The following MSI2 variants were observed in gnomAD, a reference collection of about 807,000 sequenced individuals.
MSI2 encodes RNA-binding protein Musashi homolog 2.
In MSI2, 17 loss-of-function variants were observed where a neutral mutation model predicts 45.6. That is an observed-to-expected ratio of 0.37 (90% CI 0.26 to 0.56). The LOEUF is 0.56. Ranked by LOEUF, MSI2 falls within the 20% of genes least tolerant of loss-of-function variation. MSI2 has a pLI of 0.77. For synonymous variants in MSI2, 156 were observed against 158.2 expected, an observed-to-expected ratio of 0.99 and a Z score of 0.11; for missense variants, 293 against 444.2, an observed-to-expected ratio of 0.66 and a Z score of 3.06.
chr17:57,345,457 G>T (rs1253182482), intron 5 of MSI2, among the ~76,000 whole-genome samples: 1 of 152,122 alleles, frequency 6.6e-6, no homozygotes, highest in African/African-American at 2.4e-5. Context: ...ACAGATATAT[G>T]TATATTTTCT....
chr17:57,670,440 T>C (rs552165663), intron 11 of MSI2, among the ~76,000 whole-genome samples: 1 of 152,328 alleles, frequency 6.6e-6, no homozygotes, highest in South Asian at 2.1e-4. Flanking sequence ...CCCTTACAGG[T>C]GAGAGTCTAA....
intron 5 of MSI2, among the ~76,000 whole-genome samples, chr17:57,312,593 A>G (rs745950510): frequency 2.6e-5 from 4 of 152,198 alleles, no homozygotes; most frequent in Non-Finnish European, 5.9e-5. Flanking sequence ...TGACCCTTTC[A>G]TATTTCAGGT....
rs894617 is a variant in MSI2, at chr17:57,416,606, T to C, written c.405+15135T>C. On this transcript the variant is annotated intron_variant, in intron 6 of 13. Coordinates refer to ENST00000284073, the MANE Select transcript of MSI2 (RefSeq NM_138962.4). ...GGGTGTGTCCGCCCATATTTTACAA[T>C]GCACCACTCCCTCAAAGAGCGTCTC... is the stretch of plus-strand genomic sequence containing the variant. Among the ~76,000 whole-genome samples the C allele has an allele frequency of 8.3e-3, 1,272 of 152,342 alleles. 16 individuals are homozygous for C. The highest frequency in any genetic ancestry group is 0.025 in the African/African-American group (1,047 of 41,578).
chr17:57,439,271 G>A (rs2143449669), intron 6 of MSI2, among the ~76,000 whole-genome samples: 1 of 152,332 alleles, frequency 6.6e-6, no homozygotes, highest in East Asian at 1.9e-4. Flanking sequence ...GGATTTTACA[G>A]GTTGGAGGCT....
the MSI2 span, among the ~76,000 whole-genome samples, chr17:57,691,804 T>C: frequency 1.3e-5 from 2 of 152,210 alleles, no homozygotes; most frequent in African/African-American, 4.8e-5. Context: ...CTGTCTTTTG[T>C]TAAGCTGTAG....
intron 9 of MSI2, among the ~76,000 whole-genome samples, chr17:57,618,691 G>A (rs1407044259): frequency 3.9e-5 from 6 of 151,992 alleles, no homozygotes; most frequent in Non-Finnish European, 7.4e-5. Context: ...TTACAGGCGC[G>A]CGCCACCACA....
Position 57,257,079 on chromosome 17 carries a change from TTA to T in MSI2, c.63-17_63-16del, listed in dbSNP as rs1491347874. On this transcript the variant is annotated splice_polypyrimidine_tract_variant and intron_variant, in intron 1 of 13. Transcript: ENST00000284073. ...GATCTGACATCGGTGCTCACTTCTG[TTA>T]TGTTTTCTCCCTCTAGTAAAATGTT... The T allele has an allele frequency of 1.3e-6, 2 of 1,553,416 alleles. No homozygotes were observed. Among genetic ancestry groups the T allele is most frequent in the Non-Finnish European group, 1.7e-6 (2 of 1,144,606 alleles).
chr17:57,479,464 T>C (rs2085606523), intron 6 of MSI2, among the ~76,000 whole-genome samples: 1 of 152,210 alleles, frequency 6.6e-6, no homozygotes, highest in Admixed American at 6.5e-5. Context: ...TGGGTTGTTT[T>C]CCCAACCCTG....
chr17:57,359,930 G>A (rs1916707336), intron 5 of MSI2, among the ~76,000 whole-genome samples: 1 of 152,170 alleles, frequency 6.6e-6, no homozygotes, highest in Non-Finnish European at 1.5e-5. Context: ...GGGTATTCTG[G>A]GAAACTCTTC....
rs192835285 is a variant in MSI2, at chr17:57,361,035, A to T, written c.313-40344A>T. On this transcript the variant is annotated intron_variant, in intron 5 of 13. Coordinates refer to ENST00000284073, the MANE Select transcript of MSI2 (RefSeq NM_138962.4). ...TATGGGGAGGTCAGGAGTATCTCCC[A>T]TCTGCTTCCTTTCTGAAGGGATCCT... 7.2e-5 allele frequency among the ~76,000 whole-genome samples: 11 copies of T among 152,300 alleles called. No individual in the cohort carries two copies. The South Asian group carries it at 8.3e-4, about 11-fold the overall frequency.
At chr17:57,574,454 G>A (rs1442138369) in intron 7 of MSI2, among the ~76,000 whole-genome samples, 2 of 152,234 alleles carry the variant, frequency 1.3e-5, no homozygotes, top group Non-Finnish European at 2.9e-5. Flanking sequence ...TGCATGGGCG[G>A]GGCAGGGCGG....
chr17:57,605,254 G>A (rs181478827), intron 8 of MSI2, among the ~76,000 whole-genome samples: 1 of 152,334 alleles, frequency 6.6e-6, no homozygotes, highest in African/African-American at 2.4e-5. Context: ...TGTACAGGCT[G>A]TGTTAATGAG....
chr17:57,406,908 A>C (rs887743180), intron 6 of MSI2: 3 of 152,144 alleles, frequency 2.0e-5, no homozygotes, highest in Non-Finnish European at 4.4e-5. Flanking sequence ...GTGGTTTGAC[A>C]TGAGGGCTTT....
intron 6 of MSI2, among the ~76,000 whole-genome samples, chr17:57,524,497 G>T (rs1420338088): frequency 6.6e-6 from 1 of 152,212 alleles, no homozygotes; most frequent in Admixed American, 6.5e-5. Context: ...TTCAAGATTG[G>T]ATTGGCTGCA....
chr17:57,513,012 C>T (rs1032096885), intron 6 of MSI2, among the ~76,000 whole-genome samples: 1 of 127,670 alleles, frequency 7.8e-6, no homozygotes. Context: ...CTCACTCTGT[C>T]TCCCAGGCTG....
At chr17:57,354,170 A>G (rs1266343033) in intron 5 of MSI2, among the ~76,000 whole-genome samples, 3 of 152,206 alleles carry the variant, frequency 2.0e-5, no homozygotes, top group Admixed American at 6.5e-5. Flanking sequence ...AGTAAAAACC[A>G]TTCTTAGTTC....
intron 6 of MSI2, among the ~76,000 whole-genome samples, chr17:57,495,553 G>A (rs115573406): frequency 0.026 from 1,492 of 57,620 alleles, no homozygotes; most frequent in Middle Eastern, 0.066. Flanking sequence ...AAAAAAAAAA[G>A]AAAGCTTTAC....
chr17:57,577,906 T>C (rs11868872), intron 7 of MSI2, among the ~76,000 whole-genome samples: 2 of 152,198 alleles, frequency 1.3e-5, no homozygotes, highest in Non-Finnish European at 2.9e-5. Context: ...AGAGGCATTG[T>C]TGATAATAAC....
chr17:57,548,918 CA>C (rs1167756082), intron 7 of MSI2, among the ~76,000 whole-genome samples: 2 of 136,520 alleles, frequency 1.5e-5, no homozygotes, highest in African/African-American at 2.7e-5. Flanking sequence ...ACCCCCCCGC[CA>C]AAAAAAATCA....
Sources: allele counts gnomAD v4.1 joint callset (sites outside exome capture counted in the v4.1 genomes callset), GRCh38; gene constraint gnomAD v4.1.1; transcripts MANE v1.5; gene names NCBI Gene and HGNC (gene_info 2026-07-23, HGNC 2026-07-21).